Variants in DNAH11 observed in about 807,000 individuals in gnomAD.
DNAH11 encodes dynein axonemal heavy chain 11, also known as axonemal beta dynein heavy chain 11.
A neutral mutation model predicts 526.0 loss-of-function variants in DNAH11; 442 were observed. The observed-to-expected ratio is 0.84, with a 90% CI of 0.78 to 0.91. The LOEUF (loss-of-function observed/expected upper bound fraction) is 0.91, where lower values mean the gene tolerates loss of function less well. DNAH11 is among the 40% of genes least tolerant of loss of function. The pLI is 0.00. For missense variants in DNAH11, 6,989 were observed against 5,448.7 expected, an observed-to-expected ratio of 1.28 and a Z score of -8.90; for synonymous variants, 2,461 against 1,935.9, an observed-to-expected ratio of 1.27 and a Z score of -7.12.
intron 65 of DNAH11, among the ~76,000 whole-genome samples, chr7:21,823,656 A>G (rs1487121781): frequency 1.3e-5 from 2 of 152,142 alleles, no homozygotes; most frequent in Non-Finnish European, 2.9e-5. Context: ...CATAAGAATC[A>G]TATACTATAT....
chr7:21,615,067 C>T (rs781434071), intron 20 of DNAH11, 47 bp from the exon 21 acceptor site: 3 of 1,547,398 alleles, frequency 1.9e-6, no homozygotes, highest in Admixed American at 2.2e-5. Flanking sequence ...TGCATGTCTT[C>T]TCTTTCTCTG....
intron 18 of DNAH11, among the ~76,000 whole-genome samples, chr7:21,605,852 T>C (rs1785260236): frequency 6.6e-6 from 1 of 152,204 alleles, no homozygotes; most frequent in South Asian, 2.1e-4. Context: ...TTTAAAAAGA[T>C]TTCCATGGAT....
chr7:21,544,957 C>T (rs1782750060), intron 1 of DNAH11, 49 bp from the exon 2 acceptor site: 2 of 1,472,558 alleles, frequency 1.4e-6, no homozygotes, highest in Non-Finnish European at 1.8e-6. Flanking sequence ...GTAAATCCTG[C>T]TTGTTAACAA....
chr7:21,886,255 A>G (rs1186385949), intron 76 of DNAH11, among the ~76,000 whole-genome samples: 1 of 152,132 alleles, frequency 6.6e-6, no homozygotes, highest in Non-Finnish European at 1.5e-5. Context: ...TATTTAGTGT[A>G]TATTAGATTA....
At position 21,543,185 on chromosome 7, in the gene DNAH11, G is replaced by C. The variant is rs553424997; in HGVS notation, c.-61G>C. Reference sequence around the variant, plus strand: ...TGCGGAGGTGTCCTCGCTCACTTCGGGGGGCCCAGAGTCTCGGGTGAGGAG... The same window carrying C: ...TGCGGAGGTGTCCTCGCTCACTTCGCGGGGCCCAGAGTCTCGGGTGAGGAG... On this transcript the variant is annotated 5_prime_UTR_variant, in exon 1 of 82. Transcript: ENST00000409508. 10 of 1,452,932 alleles carry C rather than the reference G, an allele frequency of 6.9e-6. No homozygotes were observed. Among genetic ancestry groups the C allele is most frequent in the Admixed American group, 2.7e-5 (1 of 36,884 alleles). The allele number at this position is 1,452,932 out of a possible 1,614,324, so 90.0% of individuals were successfully genotyped here.
At chr7:21,704,327 A>T in intron 37 of DNAH11, 107 bp from the exon 38 acceptor site, 1 of 1,114,960 alleles carries the variant, frequency 9.0e-7, no homozygotes, top group Non-Finnish European at 1.3e-6. Context: ...AACAGTACCA[A>T]TATCTCATGC....
At chr7:21,747,242 G>A (rs1786189344) in intron 51 of DNAH11, among the ~76,000 whole-genome samples, 1 of 152,214 alleles carries the variant, frequency 6.6e-6, no homozygotes, top group Non-Finnish European at 1.5e-5. Flanking sequence ...GTCATGTGAA[G>A]TAAAATTTAA....
At chr7:21,850,608 C>CTTTTTTTTTTTTTTTTTTT (rs3062635) in intron 66 of DNAH11, among the ~76,000 whole-genome samples, 2 of 62,658 alleles carry the variant, frequency 3.2e-5, no homozygotes, top group African/African-American at 6.5e-5. Flanking sequence ...CTGTCTTCTT[C>CTTTTTTTTTTTTTTTTTTT]TTTTTTTTTT....
intron 9 of DNAH11, among the ~76,000 whole-genome samples, chr7:21,584,814 TCTTCA>T (rs1784429577): frequency 6.6e-6 from 1 of 152,178 alleles, no homozygotes; most frequent in Non-Finnish European, 1.5e-5. Flanking sequence ...ACTGTAATCT[TCTTCA>T]CTTAACAGAG....
chr7:21,616,279 G>T lies in DNAH11; in HGVS notation c.4082G>T (p.Arg1361Ile). 3 of 1,612,098 alleles carry T rather than the reference G, an allele frequency of 1.9e-6. No homozygotes were observed. Among genetic ancestry groups the T allele is most frequent in the Non-Finnish European group, 2.5e-6 (3 of 1,178,864 alleles). The change falls in exon 22 of 82, where the codon AGA becomes ATA. Residue 1361 changes from arginine (R) to isoleucine (I), a missense_variant. Arg to Ile is a moderately conservative substitution (Grantham distance 97). Transcript: ENST00000409508. ...IHVEQMDVEL[R>I]RFAKEIWSLN... ...GTGGAACAGATGGATGTAGAACTCA[G>T]AAGGTTTGCCAAGGCGAGTTCCATA...
chr7:21,646,961 A>C (rs747716579), intron 28 of DNAH11, among the ~76,000 whole-genome samples: 2 of 152,242 alleles, frequency 1.3e-5, no homozygotes, highest in Non-Finnish European at 2.9e-5. Flanking sequence ...AAATAGGAAT[A>C]TTCAACCCAT....
chr7:21,835,405 A>G (rs1415432513), intron 65 of DNAH11, among the ~76,000 whole-genome samples: 6 of 152,158 alleles, frequency 3.9e-5, no homozygotes, highest in African/African-American at 1.4e-4. Context: ...CATTAAAAAG[A>G]TCATTCACTA....
At chr7:21,648,450 A>T (rs1787461787) in intron 28 of DNAH11, among the ~76,000 whole-genome samples, 2 of 152,270 alleles carry the variant, frequency 1.3e-5, no homozygotes, top group South Asian at 4.1e-4. Context: ...GCTCTTTGAA[A>T]ACCTGTAACC....
intron 23 of DNAH11, among the ~76,000 whole-genome samples, chr7:21,618,795 T>C (rs977936673): frequency 1.3e-5 from 2 of 152,144 alleles, no homozygotes; most frequent in African/African-American, 4.8e-5. Flanking sequence ...AATGAGATTC[T>C]CTTTAAAAAT....
intron 79 of DNAH11, among the ~76,000 whole-genome samples, chr7:21,895,530 CTG>C (rs762391259): frequency 2.6e-5 from 4 of 152,148 alleles, no homozygotes; most frequent in African/African-American, 4.8e-5. Context: ...TGAATGTAAT[CTG>C]TGCTGATGTT....
At chr7:21,544,931 C>A in intron 1 of DNAH11, 75 bp from the exon 2 acceptor site, 1 of 1,286,332 alleles carries the variant, frequency 7.8e-7, no homozygotes. Flanking sequence ...AGCAATACAG[C>A]TACAAGTTGG....
intron 54 of DNAH11, among the ~76,000 whole-genome samples, chr7:21,762,358 G>A (rs1406512199): frequency 6.6e-6 from 1 of 152,206 alleles, no homozygotes; most frequent in Non-Finnish European, 1.5e-5. Context: ...GGAAATAAGT[G>A]TAGAAGTGAT....
chr7:21,573,913 T>A (rs1783987449), intron 8 of DNAH11, among the ~76,000 whole-genome samples: 1 of 152,218 alleles, frequency 6.6e-6, no homozygotes. Flanking sequence ...TAATTTGCTT[T>A]TTGAAATGCT....
intron 36 of DNAH11, among the ~76,000 whole-genome samples, chr7:21,698,761 G>A (rs1370943559): frequency 6.6e-6 from 1 of 152,058 alleles, no homozygotes; most frequent in African/African-American, 2.4e-5. Flanking sequence ...ATTGCAAATT[G>A]TGCTTCTATA....
Sources: allele counts gnomAD v4.1 joint callset (sites outside exome capture counted in the v4.1 genomes callset), GRCh38; gene constraint gnomAD v4.1.1; transcripts MANE v1.5; gene names NCBI Gene and HGNC (gene_info 2026-07-23, HGNC 2026-07-21).